Variants in TP63 observed in about 807,000 individuals in gnomAD.
TP63 encodes tumor protein p63.
In TP63, 17 loss-of-function variants were observed where a neutral mutation model predicts 82.8. The observed-to-expected ratio is 0.21, with a 90% CI of 0.14 to 0.31. The LOEUF (loss-of-function observed/expected upper bound fraction) is 0.31. TP63 is among the 10% of genes least tolerant of loss of function. TP63 has a pLI of 1.00. For missense variants in TP63, 648 were observed against 895.3 expected (o/e 0.72, Z 3.52); for synonymous variants, 330 against 321.7 (o/e 1.03, Z -0.28).
chr3:189,881,370 C>A (rs771030561), intron 10 of TP63: 218 of 985,210 alleles, frequency 2.2e-4, no homozygotes, highest in Non-Finnish European at 2.4e-4. Flanking sequence ...TCCTCCCCTC[C>A]ATCTTCCCAC....
intron 1 of TP63, among the ~76,000 whole-genome samples, chr3:189,701,516 T>C (rs1717798476): frequency 2.5e-5 from 2 of 80,250 alleles, no homozygotes; most frequent in South Asian, 3.7e-4. Flanking sequence ...TGAGGAGATA[T>C]ATATACATAT....
At chr3:189,644,556 G>A (rs1352213240) in intron 1 of TP63, among the ~76,000 whole-genome samples, 1 of 151,956 alleles carries the variant, frequency 6.6e-6, no homozygotes, top group African/African-American at 2.4e-5. Context: ...ATAGTTTTGG[G>A]GGAACGTGGT....
chr3:189,682,030 C>T (rs1356142955), intron 1 of TP63, among the ~76,000 whole-genome samples: 1 of 151,974 alleles, frequency 6.6e-6, no homozygotes, highest in African/African-American at 2.4e-5. Flanking sequence ...AACAGGAGTC[C>T]GAGACCAGCC....
rs559171412 is a variant in TP63 at position 189,724,004 on chromosome 3, C to G, written c.63-13736C>G. ...AGTACTTTTTTGTTTTTGTGCCTGG[C>G]TTTCATTTTTTTTTTTTTTTTTTTG... On this transcript the variant is annotated intron_variant, in intron 1 of 13. Coordinates refer to ENST00000264731, the MANE Select transcript of TP63 (RefSeq NM_003722.5). Among the ~76,000 whole-genome samples the G allele has an allele frequency of 3.6e-3, 426 of 118,610 alleles. 1 individual carries two copies. Among genetic ancestry groups the G allele is most frequent in the African/African-American group, 0.012 (411 of 32,924 alleles). The allele number at this position is 118,610 out of a possible 152,430, so 77.8% of individuals were successfully genotyped here.
chr3:189,618,169 G>T, the TP63 span, among the ~76,000 whole-genome samples: 3 of 152,156 alleles, frequency 2.0e-5, no homozygotes, highest in Admixed American at 6.5e-5. Flanking sequence ...TGTTTCTGAC[G>T]TGCCTGGCTA....
At chr3:189,671,674 T>C (rs1714903183) in intron 1 of TP63, among the ~76,000 whole-genome samples, 1 of 151,952 alleles carries the variant, frequency 6.6e-6, no homozygotes, top group Admixed American at 6.6e-5. Flanking sequence ...AAAGAACTTA[T>C]GATACATATA....
chr3:189,642,879 A>G (rs980612223), intron 1 of TP63, among the ~76,000 whole-genome samples: 3 of 152,208 alleles, frequency 2.0e-5, no homozygotes, highest in Admixed American at 1.3e-4. Context: ...GAAAACTGCA[A>G]AAACTAATAA....
rs144995427 is a variant in TP63, at chr3:189,727,998, C to T, written c.63-9742C>T. Among the ~76,000 whole-genome samples, 24 of 152,150 alleles carry T rather than the reference C, an allele frequency of 1.6e-4. No individual in the cohort carries two copies. The East Asian group carries it at 4.1e-3, about 26-fold the overall frequency. ...AACTGATGAATTTAGTATAGTAGAG[C>T]GAAGTTTGAGAACATGTTTTATGTT... On this transcript the variant is annotated intron_variant, in intron 1 of 13. Transcript: ENST00000264731.
At chr3:189,712,480 T>A (rs1002904018) in intron 1 of TP63, among the ~76,000 whole-genome samples, 4 of 152,136 alleles carry the variant, frequency 2.6e-5, no homozygotes, top group African/African-American at 9.7e-5. Context: ...TTCCGTCTGA[T>A]GAGCACCAGC....
At chr3:189,655,805 A>C (rs949169612) in intron 1 of TP63, among the ~76,000 whole-genome samples, 1 of 151,890 alleles carries the variant, frequency 6.6e-6, no homozygotes, top group African/African-American at 2.4e-5. Context: ...CTTAGAAAAA[A>C]CCCACACATT....
In TP63 at chr3:189,808,286, C is replaced by T. The variant is rs774678406; in HGVS notation, c.339C>T (p.Asn113=). The change falls in exon 4 of 14, where the codon AAC becomes AAT. Residue 113 remains asparagine, a synonymous_variant. Coordinates refer to ENST00000264731, the MANE Select transcript of TP63 (RefSeq NM_003722.5). ...LSDPMWPQYT[N]LGLLNSMDQQ... is the part of the protein sequence containing the mutation. Reference sequence around the variant, plus strand: ...TGTCCTTGCAGCCACAGTACACGAACCTGGGGCTCCTGAACAGCATGGACC... The same window carrying T: ...TGTCCTTGCAGCCACAGTACACGAATCTGGGGCTCCTGAACAGCATGGACC... 2.5e-6 allele frequency: 4 copies of T among 1,614,082 alleles called. No homozygotes were observed. The highest frequency in any genetic ancestry group is 1.3e-5 in the African/African-American group (1 of 74,932).
intron 1 of TP63, among the ~76,000 whole-genome samples, chr3:189,651,315 G>A (rs532707857): frequency 1.4e-5 from 2 of 146,788 alleles, no homozygotes; most frequent in Admixed American, 1.3e-4. Flanking sequence ...GGAGGCCAAG[G>A]CAGGTGGATA....
chr3:189,788,957 A>G (rs538760282), intron 3 of TP63, among the ~76,000 whole-genome samples: 2 of 151,940 alleles, frequency 1.3e-5, no homozygotes, highest in Admixed American at 6.6e-5. Context: ...AAAAAGAAGA[A>G]AGAAAGGACA....
intron 1 of TP63, among the ~76,000 whole-genome samples, chr3:189,655,331 A>G (rs111390493): frequency 1.6e-3 from 238 of 152,290 alleles, no homozygotes; most frequent in Non-Finnish European, 1.9e-3. Context: ...AATGGCCACA[A>G]ACAAATCTGG....
At chr3:189,703,798 T>C (rs1330226635) in intron 1 of TP63, among the ~76,000 whole-genome samples, 1 of 152,202 alleles carries the variant, frequency 6.6e-6, no homozygotes, top group Non-Finnish European at 1.5e-5. Context: ...AAAGTGATCA[T>C]GACTTATTCA....
intron 3 of TP63, among the ~76,000 whole-genome samples, chr3:189,761,022 T>C (rs1019911274): frequency 5.3e-5 from 8 of 152,160 alleles, no homozygotes; most frequent in African/African-American, 1.9e-4. Context: ...ACCAAGTCCC[T>C]AGGCTGCACA....
chr3:189,740,093 T>C (rs555446212), intron 3 of TP63, among the ~76,000 whole-genome samples: 9 of 152,358 alleles, frequency 5.9e-5, no homozygotes, highest in African/African-American at 1.9e-4. Flanking sequence ...GATACATAGA[T>C]GCTTTGTCAC....
chr3:189,718,684 A>G (rs964111821), intron 1 of TP63, among the ~76,000 whole-genome samples: 14 of 152,026 alleles, frequency 9.2e-5, no homozygotes, highest in African/African-American at 3.1e-4. Flanking sequence ...TAGAAATTCA[A>G]TGTTTCAATT....
intron 1 of TP63, among the ~76,000 whole-genome samples, chr3:189,711,945 G>C (rs1718627122): frequency 6.6e-6 from 1 of 152,126 alleles, no homozygotes; most frequent in African/African-American, 2.4e-5. Context: ...AAGAGCAAAA[G>C]CATGAAGGAG....
Sources: gnomAD v4.1 joint callset for allele counts (sites outside exome capture counted in the v4.1 genomes callset) on GRCh38, gnomAD v4.1.1 for gene constraint, MANE v1.5 for transcripts, NCBI Gene and HGNC (gene_info 2026-07-23, HGNC 2026-07-21) for gene names.